The following AFAP1L2 variants were observed in gnomAD, a reference collection of about 807,000 sequenced individuals.
The protein encoded by AFAP1L2 is actin filament-associated protein 1-like 2.
Under a neutral mutation model 99.3 loss-of-function variants are expected in AFAP1L2, and 46 were observed. That is an observed-to-expected ratio of 0.46 (90% CI 0.37 to 0.59). AFAP1L2 has a LOEUF of 0.59. Ranked by LOEUF, AFAP1L2 falls within the 20% of genes least tolerant of loss-of-function variation. The probability of loss-of-function intolerance (pLI) is 0.00; values close to 1 mark genes in which losing one functional copy is unlikely to be tolerated. For missense variants in AFAP1L2, 959 were observed against 1,034.9 expected, an observed-to-expected ratio of 0.93 and a Z score of 1.01; for synonymous variants, 397 against 419.1, an observed-to-expected ratio of 0.95 and a Z score of 0.64.
At chr10:114,339,562 G>GTGAA (rs954437781) in intron 2 of AFAP1L2, among the ~76,000 whole-genome samples, 2 of 152,382 alleles carry the variant, frequency 1.3e-5, no homozygotes, top group Non-Finnish European at 2.9e-5. Flanking sequence ...TTGTTATGGG[G>GTGAA]TGAAGTGTGT....
chr10:114,336,881 AG>A (rs1264939311), intron 2 of AFAP1L2, among the ~76,000 whole-genome samples: 1 of 152,258 alleles, frequency 6.6e-6, no homozygotes, highest in Admixed American at 6.5e-5. Context: ...TGAGAAAAAA[AG>A]AAACAAAGAT....
intron 1 of AFAP1L2, among the ~76,000 whole-genome samples, chr10:114,349,815 C>CG (rs1337336632): frequency 1.4e-3 from 21 of 15,330 alleles, no homozygotes; most frequent in East Asian, 2.7e-3. Context: ...GCGAGGGGGG[C>CG]GGGGGGGTTT....
chr10:114,322,635 A>G (rs2045554709), intron 5 of AFAP1L2, among the ~76,000 whole-genome samples: 1 of 152,048 alleles, frequency 6.6e-6, no homozygotes, highest in East Asian at 1.9e-4. Flanking sequence ...CTCACTTATC[A>G]CCACCGACAC....
chr10:114,294,921 A>C lies in AFAP1L2; in HGVS notation c.*1121T>G. 4.1e-6 allele frequency: 4 copies of C among 984,444 alleles called. No individual in the cohort carries two copies. Among genetic ancestry groups the C allele is most frequent in the African/African-American group, 1.7e-5 (1 of 57,306 alleles). 61.0% of individuals were successfully genotyped at this position (984,444 alleles called of 1,614,324 possible). On this transcript the variant is annotated 3_prime_UTR_variant, in exon 19 of 19. Coordinates refer to ENST00000304129, the MANE Select transcript of AFAP1L2 (RefSeq NM_001001936.3). ...TATGAGAGAGGAAATAAGAATAAAA[A>C]AGACATTTAGTTCTCAGGAACAAGT... is the stretch of plus-strand genomic sequence containing the variant.
chr10:114,304,868 G>A lies in AFAP1L2; in HGVS notation c.1135C>T (p.His379Tyr). 1 of 1,613,504 alleles carries A rather than the reference G, an allele frequency of 6.2e-7. No homozygotes were observed. Among genetic ancestry groups the A allele is most frequent in the South Asian group, 1.1e-5 (1 of 91,080 alleles). ...TTCCGGTCCTGGTAGAAGTGCAGGT[G>A]ATTGTCCCTGACAGAGCACCAGCGA... ...KSRWCSVRDN[H>Y]LHFYQDRNRS... The change falls in exon 11 of 19, where the codon CAC (histidine) becomes TAC (tyrosine). Residue 379 changes from histidine (H) to tyrosine (Y), a missense_variant. Transcript: ENST00000304129.
chr10:114,286,398 A>T, the AFAP1L2 span: 1 of 1,613,926 alleles, frequency 6.2e-7, no homozygotes, highest in East Asian at 2.2e-5. Context: ...GTGCGGGCAG[A>T]GCTGGAGGAG....
chr10:114,298,293 G>A (rs2040575904), intron 16 of AFAP1L2, among the ~76,000 whole-genome samples: 3 of 152,036 alleles, frequency 2.0e-5, no homozygotes, highest in African/African-American at 4.8e-5. Flanking sequence ...CAGGAGAATC[G>A]CTTGAACCCA....
the AFAP1L2 span, among the ~76,000 whole-genome samples, chr10:114,281,490 G>A: frequency 6.6e-6 from 1 of 152,230 alleles, no homozygotes; most frequent in Admixed American, 6.5e-5. Context: ...CTGGAACATG[G>A]AGGGAACCAT....
chr10:114,338,129 G>A lies in AFAP1L2; in HGVS notation c.145+2474C>T, dbSNP rs373100537. 2.6e-5 allele frequency among the ~76,000 whole-genome samples: 4 copies of A among 152,332 alleles called. No homozygotes were observed. In the East Asian group the frequency reaches 5.8e-4, roughly 22 times the overall value. ...ATATAGCGACATGCCTCGGCTTTAC[G>A]ACTGCTTATTCAGAGAATAGAAACT... On this transcript the variant is annotated intron_variant, in intron 2 of 18. Transcript: ENST00000304129.
At chr10:114,364,591 C>T (rs924533165) in intron 1 of AFAP1L2, among the ~76,000 whole-genome samples, 2 of 152,162 alleles carry the variant, frequency 1.3e-5, no homozygotes, top group African/African-American at 4.8e-5. Flanking sequence ...GATAAGTGCC[C>T]GCCCTAATCC....
chr10:114,327,638 T>C (rs1023870959), intron 4 of AFAP1L2, among the ~76,000 whole-genome samples: 3 of 152,164 alleles, frequency 2.0e-5, no homozygotes, highest in East Asian at 1.9e-4. Flanking sequence ...ACCTCTGTCT[T>C]ATCTCAGCTA....
In AFAP1L2 at chr10:114,295,704, A is replaced by G. The variant is rs2040100748; in HGVS notation, c.*338T>C. 7 of 1,056,178 alleles carry G rather than the reference A, an allele frequency of 6.6e-6. No individual in the cohort carries two copies. The highest frequency in any genetic ancestry group is 8.0e-6 in the Non-Finnish European group (7 of 875,050). The allele number at this position is 1,056,178 out of a possible 1,614,324, so 65.4% of individuals were successfully genotyped here. ...CTGCTTCCTTGATTCATCTTCCACC[A>G]AAGTCTAAACAGGAGGTTTTCACTA... On this transcript the variant is annotated 3_prime_UTR_variant, in exon 19 of 19. Coordinates refer to ENST00000304129, the MANE Select transcript of AFAP1L2 (RefSeq NM_001001936.3).
chr10:114,302,821 A>C (rs1259878410), intron 11 of AFAP1L2, among the ~76,000 whole-genome samples: 1 of 152,046 alleles, frequency 6.6e-6, no homozygotes, highest in Non-Finnish European at 1.5e-5. Context: ...CCACCTGTTA[A>C]TTAATAGTTT....
chr10:114,403,907 C>T (rs2058468008), intron 1 of AFAP1L2, among the ~76,000 whole-genome samples: 1 of 152,204 alleles, frequency 6.6e-6, no homozygotes. Flanking sequence ...AACGATGACC[C>T]GAACGGCAGG....
At chr10:114,291,487 T>G (rs145342717), downstream of AFAP1L2, 1,369 of 506,862 alleles carry the variant, frequency 2.7e-3, 4 homozygotes, top group Non-Finnish European at 1.7e-3. Flanking sequence ...AAAGTTTTGA[T>G]GTGTAAGTAA....
chr10:114,295,678 C>A lies in AFAP1L2; in HGVS notation c.*364G>T. The A allele has an allele frequency of 9.6e-7, 1 of 1,039,670 alleles. No homozygotes were observed. The allele number at this position is 1,039,670 out of a possible 1,614,324, so 64.4% of individuals were successfully genotyped here. A position where few individuals can be genotyped will look rare whatever the true frequency, so the allele number is the denominator to read the frequency against. ...AGACACGTGACCCATAAGACAGGGC[C>A]CTGCTTCCTTGATTCATCTTCCACC... is the stretch of plus-strand genomic sequence containing the variant. On this transcript the variant is annotated 3_prime_UTR_variant, in exon 19 of 19. Transcript: ENST00000304129.
Position 114,313,142 on chromosome 10 carries a change from C to T in AFAP1L2, c.792+729G>A, listed in dbSNP as rs939062204. ...GGGGCAGCAGGAAGGAGGGGAGGGG[C>T]AGCAGGAAGGAGGGGAAGGGCTGCT... On this transcript the variant is annotated intron_variant, in intron 7 of 18. Coordinates refer to ENST00000304129, the MANE Select transcript of AFAP1L2 (RefSeq NM_001001936.3). 3.3e-5 allele frequency among the ~76,000 whole-genome samples: 5 copies of T among 151,758 alleles called. No homozygotes were observed. In the East Asian group the frequency reaches 7.7e-4, roughly 23 times the overall value.
At chr10:114,287,381 A>G in the AFAP1L2 span, among the ~76,000 whole-genome samples, 1 of 152,074 alleles carries the variant, frequency 6.6e-6, no homozygotes, top group Non-Finnish European at 1.5e-5. Flanking sequence ...TGGTCTTGCT[A>G]TGTTGCCCAG....
intron 1 of AFAP1L2, among the ~76,000 whole-genome samples, chr10:114,359,549 C>T (rs2051914330): frequency 6.6e-6 from 1 of 152,204 alleles, no homozygotes; most frequent in South Asian, 2.1e-4. Context: ...CAGAGCAGTT[C>T]TGCTCATCAG....
Sources: allele counts gnomAD v4.1 joint callset (sites outside exome capture counted in the v4.1 genomes callset), GRCh38; gene constraint gnomAD v4.1.1; transcripts MANE v1.5; gene names NCBI Gene and HGNC (gene_info 2026-07-23, HGNC 2026-07-21).